The following RPAP1 variants were observed in gnomAD, a reference collection of about 807,000 sequenced individuals.
RPAP1 encodes RNA polymerase II-associated protein 1.
RPAP1 carries 109 observed loss-of-function variants against 142.4 expected under a neutral mutation model. That is an observed-to-expected ratio of 0.77 (90% CI 0.66 to 0.90). The LOEUF is 0.90. RPAP1 is among the 40% of genes least tolerant of loss of function. RPAP1 has a pLI of 0.00. For missense variants in RPAP1, 1,546 were observed against 1,751.7 expected, an observed-to-expected ratio of 0.88 and a Z score of 2.10; for synonymous variants, 704 against 738.9, an observed-to-expected ratio of 0.95 and a Z score of 0.77.
In RPAP1 at chr15:41,527,052, C is replaced by A; in HGVS notation, c.1763G>T (p.Arg588Leu). Residue 588 changes from arginine (R) to leucine (L), a missense_variant, in exon 14 of 25, where the codon CGG becomes CTG. Coordinates refer to ENST00000304330, the MANE Select transcript of RPAP1 (RefSeq NM_015540.4). Reference sequence around the variant, plus strand: ...CTCTCGAACTATAGTCTCTATCAGCCGAGGGCACTCCAGGACCTATGGGAG... The same window carrying A: ...CTCTCGAACTATAGTCTCTATCAGCAGAGGGCACTCCAGGACCTATGGGAG... ...ESATRVLECP[R>L]LIETIVREFL... 2 of 1,614,080 alleles carry A rather than the reference C, an allele frequency of 1.2e-6. No individual in the cohort carries two copies. The highest frequency in any genetic ancestry group is 1.7e-6 in the Non-Finnish European group (2 of 1,179,950).
At chr15:41,524,943 G>A in intron 15 of RPAP1, 48 bp downstream of exon 15, 1 of 1,591,964 alleles carries the variant, frequency 6.3e-7, no homozygotes, top group South Asian at 1.1e-5. Flanking sequence ...GGCCAGAAGA[G>A]CAGAACTGAA....
rs2051729310 is a variant in RPAP1, at chr15:41,521,861, G to A, written c.2915C>T (p.Pro972Leu). The A allele has an allele frequency of 6.2e-7, 1 of 1,614,078 alleles. No individual in the cohort carries two copies. The highest frequency in any genetic ancestry group is 8.5e-7 in the Non-Finnish European group (1 of 1,179,992). Residue 972 changes from proline to leucine, a missense_variant, in exon 21 of 25, where the codon CCA (proline) becomes CTA (leucine). Physicochemically the swap from Pro to Leu is moderately conservative, Grantham distance 98. Coordinates refer to ENST00000304330, the MANE Select transcript of RPAP1 (RefSeq NM_015540.4). ...ATGATAGAGGGCAGCATGGGTGGCT[G>A]GCAGTGGCTGCAGCGCTGCCTGCAG... ...AQKAAALQPL[P>L]ATHAALYHGM...
chr15:41,517,637 C>A lies in RPAP1; in HGVS notation c.4087G>T (p.Gly1363Cys). Residue 1363 changes from glycine to cysteine, a missense_variant, in exon 25 of 25, where the codon GGC becomes TGC. Gly to Cys is a radical substitution (Grantham distance 159). Transcript: ENST00000304330. ...YKLPNSTLPE[G>C]FELYSQLPPL... is the part of the protein sequence containing the mutation. Reference sequence around the variant, plus strand: ...GGCAACTGAGAATAGAGCTCAAAGCCCTCTGGGAGCGTGGAATTGGGAAGC... The same window carrying A: ...GGCAACTGAGAATAGAGCTCAAAGCACTCTGGGAGCGTGGAATTGGGAAGC... 1 of 1,612,510 alleles carries A rather than the reference C, an allele frequency of 6.2e-7. No homozygotes were observed. The highest frequency in any genetic ancestry group is 8.5e-7 in the Non-Finnish European group (1 of 1,179,102).
In RPAP1 at chr15:41,517,794, C is replaced by A; in HGVS notation, c.4032+4G>T. 6.2e-7 allele frequency: 1 copy of A among 1,614,184 alleles called. No homozygotes were observed. Among genetic ancestry groups the A allele is most frequent in the Non-Finnish European group, 8.5e-7 (1 of 1,180,036 alleles). ...TCCCACCCTCCTAATGGCCCTGACCCTACCTCATCTGCCAGCAGCCATGTT... is the reference window on the plus strand; with the variant it reads ...TCCCACCCTCCTAATGGCCCTGACCATACCTCATCTGCCAGCAGCCATGTT... On this transcript the variant is annotated splice_donor_region_variant and intron_variant, in intron 24 of 24. Coordinates refer to ENST00000304330, the MANE Select transcript of RPAP1 (RefSeq NM_015540.4).
chr15:41,531,598 C>T (rs1363679798), intron 6 of RPAP1, among the ~76,000 whole-genome samples: 2 of 32,576 alleles, frequency 6.1e-5, no homozygotes, highest in African/African-American at 2.0e-4. Context: ...TATGCACACA[C>T]ACATATATAT....
chr15:41,522,628 G>T, intron 19 of RPAP1, 137 bp downstream of exon 19: 1 of 728,108 alleles, frequency 1.4e-6, no homozygotes, highest in Non-Finnish European at 2.1e-6. Context: ...GACCTCAGGT[G>T]ATCTGCCCAC....
At chr15:41,536,916 T>C in intron 2 of RPAP1, 29 bp downstream of exon 2, 3 of 1,607,854 alleles carry the variant, frequency 1.9e-6, no homozygotes, top group Non-Finnish European at 2.6e-6. Context: ...CCCTCTCTAC[T>C]TCTCAGCCTC....
intron 5 of RPAP1, 25 bp downstream of exon 5, chr15:41,535,487 C>G (rs971872817): frequency 6.3e-7 from 1 of 1,586,128 alleles, no homozygotes; most frequent in East Asian, 2.2e-5. Flanking sequence ...AAGGCCAAGC[C>G]CAATCCTCTT....
chr15:41,521,148 C>T lies in RPAP1; in HGVS notation c.3039-1G>A, dbSNP rs757930326. 6.6e-7 allele frequency: 1 copy of T among 1,511,058 alleles called. No homozygotes were observed. The highest frequency in any genetic ancestry group is 8.8e-7 in the Non-Finnish European group (1 of 1,131,256). 93.6% of individuals were successfully genotyped at this position (1,511,058 alleles called of 1,614,324 possible). A position where few individuals can be genotyped will look rare whatever the true frequency, so the allele number is the denominator to read the frequency against. On this transcript the variant is annotated splice_acceptor_variant, in intron 21 of 24. Coordinates refer to ENST00000304330, the MANE Select transcript of RPAP1 (RefSeq NM_015540.4). LOFTEE classifies it high-confidence loss of function. ...CTCTGGACCCCCTGATGTTCTTTCC[C>T]TGTAATGGGACCCAAAAGCCAAAAA...
intron 9 of RPAP1, among the ~76,000 whole-genome samples, chr15:41,528,695 G>A (rs773503599): frequency 1.3e-5 from 2 of 152,210 alleles, no homozygotes; most frequent in Non-Finnish European, 2.9e-5. Context: ...AGCACAGGAG[G>A]TATGTGGGGA....
chr15:41,538,104 G>A lies in RPAP1; in HGVS notation c.-76-903C>T, dbSNP rs113410106. On this transcript the variant is annotated intron_variant, in intron 1 of 24. Coordinates refer to ENST00000304330, the MANE Select transcript of RPAP1 (RefSeq NM_015540.4). ...TAAAAATATAAAAAACTAGCCGGGC[G>A]TGGTGGCGGGCACCTGTATTCCCAG... is the stretch of plus-strand genomic sequence containing the variant. Among the ~76,000 whole-genome samples the A allele has an allele frequency of 6.4e-3, 979 of 152,082 alleles. 9 individuals carry two copies. Among genetic ancestry groups the A allele is most frequent in the African/African-American group, 0.023 (944 of 41,478 alleles).
At chr15:41,519,579 C>T (rs1188788171) in intron 22 of RPAP1, 1 of 152,160 alleles carries the variant, frequency 6.6e-6, no homozygotes, top group African/African-American at 2.4e-5. Context: ...TCTCAGACTT[C>T]ACTTCTTATT....
Position 41,537,201 on chromosome 15 carries a change from C to A in RPAP1, c.-76G>T, listed in dbSNP as rs2051921422. On this transcript the variant is annotated splice_region_variant and 5_prime_UTR_variant, in exon 2 of 25. Transcript: ENST00000304330. ...GTGTGGGGGTTCCCTCTTATTCATC[C>A]CTAAGAGCAAGAAAGAATATGGGCC... 2 of 1,438,236 alleles carry A rather than the reference C, an allele frequency of 1.4e-6. No homozygotes were observed. Among genetic ancestry groups the A allele is most frequent in the East Asian group, 2.4e-5 (1 of 40,860 alleles). 89.1% of individuals were successfully genotyped at this position (1,438,236 alleles called of 1,614,324 possible).
chr15:41,523,678 G>C, intron 17 of RPAP1, 93 bp downstream of exon 17: 2 of 1,057,586 alleles, frequency 1.9e-6, no homozygotes, highest in Non-Finnish European at 2.8e-6. Flanking sequence ...GGAAGTAGGA[G>C]TGGAGAGATG....
intron 11 of RPAP1, 103 bp from the exon 12 acceptor site, chr15:41,527,708 C>T (rs2051808467): frequency 6.8e-7 from 1 of 1,464,150 alleles, no homozygotes; most frequent in Non-Finnish European, 9.1e-7. Context: ...GGCAAGCCTC[C>T]TGGGCTTTAG....
chr15:41,531,353 G>A, intron 6 of RPAP1, 151 bp from the exon 7 acceptor site: 1 of 740,442 alleles, frequency 1.4e-6, no homozygotes, highest in Admixed American at 2.8e-5. Flanking sequence ...GGGTGCTCCT[G>A]TGGCCCATCA....
chr15:41,527,283 G>A lies in RPAP1; in HGVS notation c.1630C>T (p.Leu544=), dbSNP rs376236585. The change falls in exon 13 of 25, where the codon CTG becomes TTG. Residue 544 remains leucine, a synonymous_variant. Transcript: ENST00000304330. The part of the protein sequence containing the change: ...DVIKGLLATS[L]LPRLRYVLEV... ...AGCACGTAGCGCAGCCGAGGCAGCAGGCTGGTAGCCAGGAGCCCCTGGGAG... is the reference window on the plus strand; with the variant it reads ...AGCACGTAGCGCAGCCGAGGCAGCAAGCTGGTAGCCAGGAGCCCCTGGGAG... 7 of 1,614,202 alleles carry A rather than the reference G, an allele frequency of 4.3e-6. No homozygotes were observed. The African/African-American group carries it at 6.7e-5, about 15-fold the overall frequency.
chr15:41,528,559 GGAGA>G (rs367552869), intron 9 of RPAP1, among the ~76,000 whole-genome samples: 1 of 152,176 alleles, frequency 6.6e-6, no homozygotes, highest in Non-Finnish European at 1.5e-5. Flanking sequence ...CCGGCGGACA[GGAGA>G]GAGAGAGAAG....
chr15:41,520,586 T>A lies in RPAP1; in HGVS notation c.3600A>T (p.Arg1200=), dbSNP rs148898512. ...CAGGGAAAGACGTCAGGCCAGGGAGTCGGCAGTCCAGGTTGAGGTTTGGCA... is the reference window on the plus strand; with the variant it reads ...CAGGGAAAGACGTCAGGCCAGGGAGACGGCAGTCCAGGTTGAGGTTTGGCA... The part of the protein sequence containing the change: ...QVLPNLNLDC[R]LPGLTSFPDL... Residue 1200 remains arginine (R), a synonymous_variant, in exon 22 of 25, where the codon CGA becomes CGT. Coordinates refer to ENST00000304330, the MANE Select transcript of RPAP1 (RefSeq NM_015540.4). The A allele has an allele frequency of 2.4e-5, 38 of 1,613,356 alleles. No homozygotes were observed. In the African/African-American group the frequency reaches 5.0e-4, roughly 21 times the overall value.
Sources: allele counts gnomAD v4.1 joint callset (sites outside exome capture counted in the v4.1 genomes callset), GRCh38; gene constraint gnomAD v4.1.1; transcripts MANE v1.5; gene names NCBI Gene and HGNC (gene_info 2026-07-23, HGNC 2026-07-21).